Variants in MAP3K7CL observed in about 807,000 individuals in gnomAD.
MAP3K7CL encodes the protein MAP3K7 C-terminal-like protein.
A neutral mutation model predicts 18.6 loss-of-function variants in MAP3K7CL; 16 were observed. The observed-to-expected ratio is 0.86, with a 90% CI of 0.58 to 1.31. The LOEUF (loss-of-function observed/expected upper bound fraction) is 1.31. MAP3K7CL is among the 50% of genes most tolerant of loss of function. The pLI, the probability that MAP3K7CL is intolerant of heterozygous loss-of-function variation, is 0.00. For synonymous variants in MAP3K7CL, 65 were observed against 66.8 expected (o/e 0.97, Z 0.13); for missense variants, 163 against 174.4 (o/e 0.93, Z 0.37).
At chr21:29,160,091 AC>A in intron 4 of MAP3K7CL, 35 bp downstream of exon 4, 1 of 1,551,588 alleles carries the variant, frequency 6.4e-7, no homozygotes, top group Non-Finnish European at 8.9e-7. Flanking sequence ...ACATCTGAGC[AC>A]TGCCTACTGG....
At chr21:29,123,049 A>T (rs62222404) in intron 4 of MAP3K7CL, among the ~76,000 whole-genome samples, 113,966 of 129,132 alleles carry the variant, frequency 0.88, 49,427 homozygotes, top group African/African-American at 0.95. Flanking sequence ...CTGGAGAAGA[A>T]ATGATCTTTT....
At chr21:29,172,462 A>G (rs1452878246) in intron 4 of MAP3K7CL, among the ~76,000 whole-genome samples, 2 of 152,208 alleles carry the variant, frequency 1.3e-5, no homozygotes, top group Non-Finnish European at 2.9e-5. Context: ...AACTTTGGTC[A>G]TTTGGTGAAA....
At chr21:29,122,295 G>C (rs528263806) in intron 4 of MAP3K7CL, 1 of 152,090 alleles carries the variant, frequency 6.6e-6, no homozygotes, top group Admixed American at 6.5e-5. Flanking sequence ...ACAGCATCTG[G>C]GGGGGTACCC....
intron 4 of MAP3K7CL, among the ~76,000 whole-genome samples, chr21:29,096,751 C>T (rs559161328): frequency 1.3e-5 from 2 of 152,220 alleles, no homozygotes; most frequent in South Asian, 2.1e-4. Flanking sequence ...CTGGGAAGTC[C>T]GTTGGGTAGA....
intron 4 of MAP3K7CL, among the ~76,000 whole-genome samples, chr21:29,098,258 T>C (rs141216628): frequency 3.0e-4 from 45 of 152,346 alleles, no homozygotes; most frequent in African/African-American, 7.9e-4. Context: ...TTTCTCTCCG[T>C]GTGCTCCACA....
chr21:29,083,941 C>A (rs1372100680), upstream of MAP3K7CL, among the ~76,000 whole-genome samples: 2 of 146,582 alleles, frequency 1.4e-5, no homozygotes, highest in Non-Finnish European at 3.0e-5. Flanking sequence ...CTGAAATAAT[C>A]ATTTAATATT....
intron 4 of MAP3K7CL, among the ~76,000 whole-genome samples, chr21:29,167,848 C>T (rs555939544): frequency 3.3e-5 from 5 of 152,040 alleles, no homozygotes; most frequent in South Asian, 2.1e-4. Flanking sequence ...TACAGGCGCC[C>T]GCCACCATAC....
chr21:29,118,425 A>G (rs1472606744), intron 4 of MAP3K7CL, among the ~76,000 whole-genome samples: 1 of 151,630 alleles, frequency 6.6e-6, no homozygotes, highest in African/African-American at 2.4e-5. Flanking sequence ...CCCAGGTTCA[A>G]TTTAGTTCCA....
chr21:29,095,747 G>A (rs2086111725), intron 4 of MAP3K7CL, among the ~76,000 whole-genome samples: 1 of 152,200 alleles, frequency 6.6e-6, no homozygotes, highest in African/African-American at 2.4e-5. Flanking sequence ...TGTAGGTTCT[G>A]GGATGGGGCT....
intron 1 of MAP3K7CL, among the ~76,000 whole-genome samples, chr21:29,132,158 T>C (rs1241366028): frequency 6.6e-6 from 1 of 152,248 alleles, no homozygotes; most frequent in Non-Finnish European, 1.5e-5. Flanking sequence ...CATGTATTTA[T>C]AACTATCTTT....
intron 1 of MAP3K7CL, among the ~76,000 whole-genome samples, chr21:29,078,072 C>G (rs941612227): frequency 6.6e-6 from 1 of 151,986 alleles, no homozygotes; most frequent in Non-Finnish European, 1.5e-5. Context: ...ATGTTTTTGG[C>G]TTGTCTATGT....
chr21:29,089,917 G>A (rs2085993062), intron 1 of MAP3K7CL, among the ~76,000 whole-genome samples: 1 of 151,394 alleles, frequency 6.6e-6, no homozygotes, highest in Non-Finnish European at 1.5e-5. Context: ...AAGGGAGTAA[G>A]GAGAATAAGA....
At chr21:29,162,802 A>G (rs2064482489) in intron 4 of MAP3K7CL, among the ~76,000 whole-genome samples, 1 of 151,924 alleles carries the variant, frequency 6.6e-6, no homozygotes, top group Non-Finnish European at 1.5e-5. Flanking sequence ...TACCACTACA[A>G]CAATATTAAA....
At chr21:29,113,270 T>G (rs77613507) in intron 4 of MAP3K7CL, among the ~76,000 whole-genome samples, 1,568 of 152,324 alleles carry the variant, frequency 0.01, 8 homozygotes, top group Middle Eastern at 0.048. Flanking sequence ...TTTAAGATAT[T>G]TATTCTATTA....
rs2085919232 is a variant in MAP3K7CL at position 29,085,988 on chromosome 21, G to A, written c.57+71G>A. 4 of 1,526,558 alleles carry A rather than the reference G, an allele frequency of 2.6e-6. No individual in the cohort carries two copies. The South Asian group carries it at 3.4e-5, about 13-fold the overall frequency. The allele number at this position is 1,526,558 out of a possible 1,614,324, so 94.6% of individuals were successfully genotyped here. ...TAATCCTGTTTTCAGTGAAAACAGG[G>A]TGGGAAAAATGTAGGAAAGAAGCAG... is the stretch of plus-strand genomic sequence containing the variant. On this transcript the variant is annotated intron_variant, in intron 1 of 6. Coordinates refer to the MAP3K7CL transcript ENST00000286791.
chr21:29,078,317 TTAA>T (rs1168597391), intron 1 of MAP3K7CL, among the ~76,000 whole-genome samples: 2 of 152,212 alleles, frequency 1.3e-5, no homozygotes, highest in Non-Finnish European at 2.9e-5. Context: ...TTAAAATCTT[TTAA>T]TATTCCTTTA....
At chr21:29,095,296 G>A (rs181737392) in intron 4 of MAP3K7CL, among the ~76,000 whole-genome samples, 26 of 152,086 alleles carry the variant, frequency 1.7e-4, no homozygotes, top group African/African-American at 5.1e-4. Flanking sequence ...TTGACTCCAC[G>A]CCTTTCTACT....
chr21:29,152,176 C>T (rs1173336474), intron 3 of MAP3K7CL, among the ~76,000 whole-genome samples: 1 of 152,104 alleles, frequency 6.6e-6, no homozygotes, highest in African/African-American at 2.4e-5. Context: ...AGAGCTGTTG[C>T]CTGTTATCTT....
At chr21:29,149,363 C>A in intron 3 of MAP3K7CL, 113 bp downstream of exon 3, 1 of 887,872 alleles carries the variant, frequency 1.1e-6, no homozygotes, top group Non-Finnish European at 1.9e-6. Context: ...GAATGTGGGG[C>A]TTTGAAGTCA....
Sources: gnomAD v4.1 joint callset for allele counts (sites outside exome capture counted in the v4.1 genomes callset) on GRCh38, gnomAD v4.1.1 for gene constraint, MANE v1.5 for transcripts, NCBI Gene and HGNC (gene_info 2026-07-23, HGNC 2026-07-21) for gene names.